The following ERCC1 variants were observed in gnomAD, a reference collection of about 807,000 sequenced individuals.
ERCC1 encodes the protein DNA excision repair protein ERCC-1.
A neutral mutation model predicts 37.6 loss-of-function variants in ERCC1; 36 were observed. That is an observed-to-expected ratio of 0.96 (90% confidence interval 0.73 to 1.26). The LOEUF (loss-of-function observed/expected upper bound fraction) is 1.26, where lower values mean the gene tolerates loss of function less well. Ranked by LOEUF, ERCC1 falls within the 50% of genes most tolerant of loss-of-function variation. The pLI, the probability that ERCC1 is intolerant of heterozygous loss-of-function variation, is 0.00. For missense variants in ERCC1, 349 were observed against 376.5 expected (o/e 0.93, Z 0.60); for synonymous variants, 156 against 162.1 (o/e 0.96, Z 0.28).
At chr19:45,414,984 G>T (rs1163564570) in intron 6 of ERCC1, 24 bp from the exon 7 acceptor site, 2 of 1,543,968 alleles carry the variant, frequency 1.3e-6, no homozygotes, top group Non-Finnish European at 1.8e-6. Context: ...ATACAGGGCA[G>T]CCGGGAGGTG....
Position 45,410,598 on chromosome 19 carries a change from G to GTGTGTGTGTGTGTGTGT in ERCC1, c.844-874_844-873insACACACACACACACACA, listed in dbSNP as rs1187372053. On this transcript the variant is annotated intron_variant, in intron 9 of 9. Transcript: ENST00000300853. ...GTGTGTGTGTGTGTGTGTGTGTGTG[G>GTGTGTGTGTGTGTGTGT]TACCCATTAACCTTCCCCATCTCCC... 6 of 58,662 alleles carry GTGTGTGTGTGTGTGTGT rather than the reference G, an allele frequency of 1.0e-4. No homozygotes were observed. In the East Asian group the frequency reaches 4.8e-3, roughly 47 times the overall value. 3.6% of individuals were successfully genotyped at this position (58,662 alleles called of 1,614,324 possible). A position where few individuals can be genotyped will look rare whatever the true frequency, so the allele number is the denominator to read the frequency against.
intron 5 of ERCC1, among the ~76,000 whole-genome samples, chr19:45,417,853 C>T (rs1365380701): frequency 6.6e-6 from 1 of 151,996 alleles, no homozygotes; most frequent in Admixed American, 6.6e-5. Flanking sequence ...GTGCCCACCA[C>T]CATATTTTTT....
intron 5 of ERCC1, among the ~76,000 whole-genome samples, chr19:45,418,336 G>A (rs187679049): frequency 1.4e-4 from 21 of 152,052 alleles, no homozygotes; most frequent in Non-Finnish European, 2.9e-4. Context: ...GCGAAAGAGC[G>A]AGACTCTGTC....
At position 45,440,388 on chromosome 19, in the gene ERCC1, A is replaced by G. The variant is rs74711716; in HGVS notation, c.-7-17007T>C. On this transcript the variant is annotated intron_variant, in intron 1 of 8. Coordinates refer to the ERCC1 transcript ENST00000423698. The stretch of plus-strand genomic sequence containing the variant: ...ATCTCTGTCCTCAAGGCCAACCTTT[A>G]TGGGGGCAGAGCAGGGCGAGAGGAT... Among the ~76,000 whole-genome samples, 147 of 152,056 alleles carry G rather than the reference A, an allele frequency of 9.7e-4. 3 individuals are homozygous for G. In the East Asian group the frequency reaches 0.027, roughly 28 times the overall value.
At position 45,421,359 on chromosome 19, in the gene ERCC1, G is replaced by A. The variant is rs1334795026; in HGVS notation, c.140C>T (p.Pro47Leu). Residue 47 changes from proline (P) to leucine (L), a missense_variant, in exon 3 of 10, where the codon CCC becomes CTC. By Grantham distance (98) the Pro-to-Leu change is moderately conservative. Transcript: ENST00000300853. ...CGCCTGGGCCGAGGTGTCCACAGTG[G>A]GAAGGCTCTGTGTAGATCGGAATAA... Reference protein sequence around the residue: ...KPLFRSTQSLPTVDTSAQAAP... With the variant: ...KPLFRSTQSLLTVDTSAQAAP... 1 of 1,613,794 alleles carries A rather than the reference G, an allele frequency of 6.2e-7. No individual in the cohort carries two copies. The highest frequency in any genetic ancestry group is 1.7e-5 in the Admixed American group (1 of 60,006).
At position 45,408,565 on chromosome 19, in the gene ERCC1, G is replaced by A. The variant is rs776093179; in HGVS notation, c.*1110C>T. 6.2e-7 allele frequency: 1 copy of A among 1,613,962 alleles called. No homozygotes were observed. Among genetic ancestry groups the A allele is most frequent in the East Asian group, 2.2e-5 (1 of 44,878 alleles). ...TGAATGGGCACGGGGCCCTGGAGGT[G>A]GACATGGCTTTGGGGTCGCCAGAAA... On this transcript the variant is annotated 3_prime_UTR_variant, in exon 10 of 10. Coordinates refer to ENST00000300853, the MANE Select transcript of ERCC1 (RefSeq NM_001983.4).
chr19:45,439,666 C>T (rs1244059061), intron 1 of ERCC1, among the ~76,000 whole-genome samples: 7 of 152,084 alleles, frequency 4.6e-5, no homozygotes, highest in Non-Finnish European at 1.0e-4. Context: ...CCGCCGTCGG[C>T]TCTGAACCCC....
At chr19:45,418,679 C>G (rs1048147991) in intron 5 of ERCC1, among the ~76,000 whole-genome samples, 8 of 151,310 alleles carry the variant, frequency 5.3e-5, no homozygotes, top group African/African-American at 1.9e-4. Flanking sequence ...AAAAATCAGC[C>G]GGGCGTGGTG....
At chr19:45,429,483 A>G (rs1293546127) in intron 1 of ERCC1, among the ~76,000 whole-genome samples, 1 of 152,136 alleles carries the variant, frequency 6.6e-6, no homozygotes, top group Non-Finnish European at 1.5e-5. Flanking sequence ...AAAGAAGGAA[A>G]GAAAAATAAA....
intron 1 of ERCC1, among the ~76,000 whole-genome samples, chr19:45,444,367 C>G (rs926863369): frequency 1.3e-5 from 2 of 150,984 alleles, no homozygotes; most frequent in South Asian, 2.1e-4. Flanking sequence ...CTCCCACGCC[C>G]GGCGCGGGTT....
intron 1 of ERCC1, among the ~76,000 whole-genome samples, chr19:45,438,856 G>A (rs983436600): frequency 6.6e-6 from 1 of 151,986 alleles, no homozygotes; most frequent in South Asian, 2.1e-4. Flanking sequence ...GGTCAGGCTG[G>A]TCTCGAAATC....
At chr19:45,435,696 G>T (rs1428640040) in intron 1 of ERCC1, among the ~76,000 whole-genome samples, 1 of 152,086 alleles carries the variant, frequency 6.6e-6, no homozygotes, top group African/African-American at 2.4e-5. Flanking sequence ...GGCCTCAAGG[G>T]ATCCTCCTGC....
At chr19:45,438,493 C>T (rs536487527) in intron 1 of ERCC1, among the ~76,000 whole-genome samples, 1 of 152,276 alleles carries the variant, frequency 6.6e-6, no homozygotes, top group East Asian at 1.9e-4. Flanking sequence ...GACAGTCTCA[C>T]TCTGTCGCCC....
Position 45,416,827 on chromosome 19 carries a change from G to A in ERCC1, c.596C>T (p.Ala199Val), listed in dbSNP as rs1358046022. ...AGGGAAGCCCTCATCTCACCTCCAG[G>A]CGAGGATCAATGTGCAGTCGGCCAG... ...CILADCTLIL[A>V]WSPEEAGRYL... The change falls in exon 6 of 10, where the codon GCC (alanine) becomes GTC (valine). Residue 199 changes from alanine to valine, a missense_variant. By Grantham distance (64) the Ala-to-Val change is moderately conservative. Transcript: ENST00000300853. The A allele has an allele frequency of 1.2e-6, 2 of 1,613,078 alleles. No homozygotes were observed. The highest frequency in any genetic ancestry group is 1.1e-5 in the South Asian group (1 of 91,044).
At chr19:45,448,794 C>T (rs947379434) in intron 1 of ERCC1, among the ~76,000 whole-genome samples, 3 of 152,056 alleles carry the variant, frequency 2.0e-5, no homozygotes, top group Non-Finnish European at 2.9e-5. Context: ...CCCCCCACCC[C>T]GCCCCAGGAG....
chr19:45,411,090 C>A lies in ERCC1; in HGVS notation c.844-1365G>T, dbSNP rs142603457. Reference sequence around the variant, plus strand: ...CTGCCCGCCTCGGCCTCCCAAAGTGCTGGGATTAGAGGTGTGAGCCACCGC... The same window carrying A: ...CTGCCCGCCTCGGCCTCCCAAAGTGATGGGATTAGAGGTGTGAGCCACCGC... On this transcript the variant is annotated intron_variant, in intron 9 of 9. Transcript: ENST00000300853. Among the ~76,000 whole-genome samples the A allele has an allele frequency of 8.5e-5, 13 of 152,278 alleles. No homozygotes were observed. In the East Asian group the frequency reaches 2.3e-3, roughly 27 times the overall value.
chr19:45,411,618 A>AC (rs1029397070), intron 9 of ERCC1, among the ~76,000 whole-genome samples: 1 of 151,722 alleles, frequency 6.6e-6, no homozygotes, highest in Non-Finnish European at 1.5e-5. Context: ...ACCTAGGGAA[A>AC]CCCCATCTCT....
intron 9 of ERCC1, among the ~76,000 whole-genome samples, chr19:45,412,397 G>T (rs1263542859): frequency 6.6e-6 from 1 of 152,080 alleles, no homozygotes; most frequent in East Asian, 1.9e-4. Context: ...GGCCTCAAGT[G>T]ATCTGCCCGC....
Position 45,415,553 on chromosome 19 carries a change from G to A in ERCC1, c.603-593C>T, listed in dbSNP as rs28644209. ...CAGGAGGCTGAGGCATGAGAATGGC[G>A]TGAACCCGGGAGGTGGAGTTTGCAA... is the stretch of plus-strand genomic sequence containing the variant. On this transcript the variant is annotated intron_variant, in intron 6 of 9. Coordinates refer to ENST00000300853, the MANE Select transcript of ERCC1 (RefSeq NM_001983.4). 7.6e-3 allele frequency among the ~76,000 whole-genome samples: 1,093 copies of A among 144,004 alleles called. 9 individuals are homozygous for A. Among genetic ancestry groups the A allele is most frequent in the African/African-American group, 0.026 (1,032 of 39,016 alleles). The allele number at this position is 144,004 out of a possible 152,430, so 94.5% of individuals were successfully genotyped here.
Sources: allele counts gnomAD v4.1 joint callset (sites outside exome capture counted in the v4.1 genomes callset), GRCh38; gene constraint gnomAD v4.1.1; transcripts MANE v1.5; gene names NCBI Gene and HGNC (gene_info 2026-07-23, HGNC 2026-07-21).